Variants in IKZF1 observed in about 807,000 individuals in gnomAD.
The protein encoded by IKZF1 is DNA-binding protein Ikaros.
Under a neutral mutation model 51.7 loss-of-function variants are expected in IKZF1, and 10 were observed. The ratio of observed to expected loss-of-function variants is 0.19; its 90% CI spans 0.12 to 0.33. The LOEUF (loss-of-function observed/expected upper bound fraction) is 0.33, where lower values mean the gene tolerates loss of function less well. Among genes scored for constraint, IKZF1 ranks in the 10% least tolerant of loss-of-function variants. IKZF1 has a pLI of 1.00. For missense variants in IKZF1, 484 were observed against 707.5 expected, an observed-to-expected ratio of 0.68 and a Z score of 3.58; for synonymous variants, 280 against 282.3, an observed-to-expected ratio of 0.99 and a Z score of 0.08.
intron 3 of IKZF1, among the ~76,000 whole-genome samples, chr7:50,370,418 C>T (rs1390316810): frequency 6.6e-6 from 1 of 152,194 alleles, no homozygotes; most frequent in Non-Finnish European, 1.5e-5. Flanking sequence ...CCTCTTGGCT[C>T]CTCTTGGCAT....
rs762352967 is a variant in IKZF1, at chr7:50,327,708, C to T, written c.111C>T (p.Leu37=). The change falls in exon 3 of 8, where the codon CTC becomes CTT. Residue 37 remains leucine (L), a synonymous_variant. Transcript: ENST00000331340. ...AGCCCATGCCGATCCCCGAGGACCT[C>T]TCCACCACCTCGGGAGGACAGCAAA... ...GDEPMPIPED[L]STTSGGQQSS... The T allele has an allele frequency of 3.6e-5, 58 of 1,613,704 alleles. No individual in the cohort carries two copies. The South Asian group carries it at 5.4e-4, about 15-fold the overall frequency.
At chr7:50,312,346 C>A (rs1584385621) in intron 1 of IKZF1, among the ~76,000 whole-genome samples, 1 of 152,222 alleles carries the variant, frequency 6.6e-6, no homozygotes, top group Non-Finnish European at 1.5e-5. Flanking sequence ...AGACGGGAAG[C>A]CTCTCCTCTC....
intron 3 of IKZF1, among the ~76,000 whole-genome samples, chr7:50,341,604 C>T (rs1799085276): frequency 6.6e-6 from 1 of 152,142 alleles, no homozygotes; most frequent in South Asian, 2.1e-4. Flanking sequence ...ATATAGAAAT[C>T]AGAAATTCCA....
rs1309400800 is a variant in IKZF1, at chr7:50,382,523, T to C, written c.422-17T>C. On this transcript the variant is annotated splice_polypyrimidine_tract_variant and intron_variant, in intron 4 of 7. Transcript: ENST00000331340. ...CGCTGAGTTTAGTTCTCACCAGCTC[T>C]CCTCTCTCCGTCCCAGGAGAACGGC... 2.5e-6 allele frequency: 4 copies of C among 1,607,142 alleles called. No homozygotes were observed. The highest frequency in any genetic ancestry group is 3.4e-6 in the Non-Finnish European group (4 of 1,174,812).
At chr7:50,352,564 GAGTA>G (rs2153432448) in intron 3 of IKZF1, among the ~76,000 whole-genome samples, 1 of 152,324 alleles carries the variant, frequency 6.6e-6, no homozygotes, top group South Asian at 2.1e-4. Context: ...TACAACTTCT[GAGTA>G]AGAATAATGT....
intron 1 of IKZF1, among the ~76,000 whole-genome samples, chr7:50,315,066 C>G (rs900378173): frequency 6.6e-6 from 1 of 152,242 alleles, no homozygotes; most frequent in Non-Finnish European, 1.5e-5. Context: ...TCGGCTTGCC[C>G]GGCTTGCCCG....
rs370493485 is a variant in IKZF1, at chr7:50,317,146, A to G, written c.-14-1902A>G. Among the ~76,000 whole-genome samples, 35 of 152,332 alleles carry G rather than the reference A, an allele frequency of 2.3e-4. No homozygotes were observed. In the East Asian group the frequency reaches 5.2e-3, roughly 23 times the overall value. On this transcript the variant is annotated intron_variant, in intron 1 of 7. Transcript: ENST00000331340. ...TTTAAAAAAAGTTGTAAAAGATTGT[A>G]TCATTTATGTAGCAAAAAGTTTTAA...
At chr7:50,312,411 C>T (rs910858537) in intron 1 of IKZF1, among the ~76,000 whole-genome samples, 3 of 152,192 alleles carry the variant, frequency 2.0e-5, no homozygotes, top group Non-Finnish European at 4.4e-5. Flanking sequence ...ATGCCTGTAA[C>T]GTCAGGACAG....
chr7:50,328,700 A>G (rs1795688889), intron 3 of IKZF1: 1 of 152,214 alleles, frequency 6.6e-6, no homozygotes, highest in African/African-American at 2.4e-5. Context: ...GGCTTATGAG[A>G]ATCACAACTG....
At chr7:50,337,126 C>G (rs1797986222) in intron 3 of IKZF1, among the ~76,000 whole-genome samples, 2 of 151,862 alleles carry the variant, frequency 1.3e-5, no homozygotes, top group African/African-American at 4.8e-5. Context: ...CCGGGAGCGG[C>G]ACAGGAGAGG....
chr7:50,318,318 A>C (rs1792131329), intron 1 of IKZF1: 1 of 226,042 alleles, frequency 4.4e-6, no homozygotes, highest in Non-Finnish European at 8.8e-6. Flanking sequence ...TTTTTAATTT[A>C]AACCGATCTG....
chr7:50,348,965 A>C (rs1801115457), intron 3 of IKZF1, among the ~76,000 whole-genome samples: 1 of 152,192 alleles, frequency 6.6e-6, no homozygotes, highest in South Asian at 2.1e-4. Flanking sequence ...AGTCTCCAGC[A>C]TGGCCTAGAG....
chr7:50,344,284 T>C (rs1799802677), intron 3 of IKZF1, among the ~76,000 whole-genome samples: 1 of 152,252 alleles, frequency 6.6e-6, no homozygotes, highest in African/African-American at 2.4e-5. Context: ...ACACACCTTT[T>C]GCCTTGTGTC....
intron 2 of IKZF1, among the ~76,000 whole-genome samples, chr7:50,322,061 A>G (rs1262151467): frequency 2.6e-5 from 4 of 152,224 alleles, no homozygotes; most frequent in African/African-American, 9.6e-5. Context: ...TTAAAGAGTC[A>G]TGTCACTTTT....
At chr7:50,322,608 C>T (rs1031680864) in intron 2 of IKZF1, among the ~76,000 whole-genome samples, 4 of 152,312 alleles carry the variant, frequency 2.6e-5, no homozygotes, top group African/African-American at 9.6e-5. Flanking sequence ...GGGCACGTCT[C>T]ACTAATTCTT....
intron 3 of IKZF1, among the ~76,000 whole-genome samples, chr7:50,363,075 G>A (rs1172055618): frequency 3.9e-5 from 6 of 152,222 alleles, no homozygotes; most frequent in Non-Finnish European, 8.8e-5. Context: ...CCCCCTGTGG[G>A]TTGGAATGTA....
At chr7:50,303,714 G>C (rs1301200342), upstream of IKZF1, among the ~76,000 whole-genome samples, 1 of 152,044 alleles carries the variant, frequency 6.6e-6, no homozygotes, top group Non-Finnish European at 1.5e-5. This position sits in a 1 kb window ranked among gnomAD's most constrained non-coding sequence, Gnocchi z 4.7. Flanking sequence ...GGCGCTCCCA[G>C]ACACTGGGGA....
chr7:50,323,688 G>A (rs1305678342), intron 2 of IKZF1, among the ~76,000 whole-genome samples: 2 of 152,080 alleles, frequency 1.3e-5, no homozygotes, highest in Non-Finnish European at 2.9e-5. Context: ...TTAAACACTT[G>A]ATGTCTTGCT....
At chr7:50,324,636 C>A (rs1465526365) in intron 2 of IKZF1, among the ~76,000 whole-genome samples, 1 of 152,186 alleles carries the variant, frequency 6.6e-6, no homozygotes, top group Non-Finnish European at 1.5e-5. Context: ...GACACTGGAG[C>A]ACTGACATTT....
Sources: allele counts gnomAD v4.1 joint callset (sites outside exome capture counted in the v4.1 genomes callset), GRCh38; gene constraint gnomAD v4.1.1; non-coding constraint Gnocchi (gnomAD v3.1); transcripts MANE v1.5; gene names NCBI Gene and HGNC (gene_info 2026-07-23, HGNC 2026-07-21).